The following ZC3H12C variants were observed in gnomAD, a reference collection of about 807,000 sequenced individuals.
The protein encoded by ZC3H12C is zinc finger CCCH-type containing 12C.
A neutral mutation model predicts 76.3 loss-of-function variants in ZC3H12C; 20 were observed. The observed-to-expected ratio is 0.26, with a 90% CI of 0.18 to 0.38. The LOEUF (loss-of-function observed/expected upper bound fraction) is 0.38. ZC3H12C is among the 10% of genes least tolerant of loss of function. ZC3H12C has a pLI of 1.00. For synonymous variants in ZC3H12C, 352 were observed against 399.6 expected (o/e 0.88, Z 1.42); for missense variants, 874 against 1,086.5 (o/e 0.80, Z 2.75).
At chr11:110,135,182 G>C (rs1861934104) in intron 1 of ZC3H12C, among the ~76,000 whole-genome samples, 1 of 152,030 alleles carries the variant, frequency 6.6e-6, no homozygotes, top group East Asian at 1.9e-4. Context: ...TAGAATACCA[G>C]AATTGCCTTA....
chr11:110,162,561 C>A lies in ZC3H12C; in HGVS notation c.1149-712C>A, dbSNP rs78682105. On this transcript the variant is annotated intron_variant, in intron 4 of 5. Coordinates refer to ENST00000278590, the MANE Select transcript of ZC3H12C (RefSeq NM_033390.2). ...TTCATTATTCATGCCATAAATTCTT[C>A]TCTTCTTTATTAGTCCATCCAAAAT... is the stretch of plus-strand genomic sequence containing the variant. Among the ~76,000 whole-genome samples the A allele has an allele frequency of 9.8e-3, 1,492 of 152,264 alleles. 31 individuals carry two copies. Among genetic ancestry groups the A allele is most frequent in the African/African-American group, 0.033 (1,373 of 41,542 alleles).
intron 1 of ZC3H12C, among the ~76,000 whole-genome samples, chr11:110,104,782 G>C (rs1861289119): frequency 6.6e-6 from 1 of 152,184 alleles, no homozygotes; most frequent in Admixed American, 6.5e-5. Flanking sequence ...GTATAAAAGT[G>C]CTTGACACAT....
At chr11:110,153,199 GTT>G in intron 3 of ZC3H12C, 141 bp downstream of exon 3, 1 of 1,122,086 alleles carries the variant, frequency 8.9e-7, no homozygotes, top group Non-Finnish European at 1.2e-6. Flanking sequence ...TGTTGTTGTT[GTT>G]TTCTGAGATA....
At chr11:110,163,700 A>G (rs1053423643) in intron 5 of ZC3H12C, among the ~76,000 whole-genome samples, 3 of 152,166 alleles carry the variant, frequency 2.0e-5, no homozygotes, top group Non-Finnish European at 2.9e-5. Flanking sequence ...ATCGCCCTAC[A>G]GTAGTATACT....
chr11:110,130,832 G>A (rs1319379292), intron 1 of ZC3H12C, among the ~76,000 whole-genome samples: 2 of 152,198 alleles, frequency 1.3e-5, no homozygotes. Context: ...CAGACCCTGC[G>A]AATGACATCA....
chr11:110,146,778 G>T (rs149406197), intron 2 of ZC3H12C, among the ~76,000 whole-genome samples: 2,394 of 151,928 alleles, frequency 0.016, 58 homozygotes, highest in African/African-American at 0.053. Context: ...GATTGCTATT[G>T]CCAATACCTG....
intron 2 of ZC3H12C, among the ~76,000 whole-genome samples, chr11:110,138,126 TA>T (rs1862004127): frequency 6.6e-6 from 1 of 151,978 alleles, no homozygotes; most frequent in Admixed American, 6.6e-5. Flanking sequence ...AATAAAATTT[TA>T]AAAGAAATTT....
chr11:110,112,207 A>G (rs761039643), intron 1 of ZC3H12C, among the ~76,000 whole-genome samples: 1 of 152,144 alleles, frequency 6.6e-6, no homozygotes, highest in Non-Finnish European at 1.5e-5. Flanking sequence ...GAACATATAC[A>G]TATATTTTTG....
chr11:110,141,341 G>T (rs1862064518), intron 2 of ZC3H12C, among the ~76,000 whole-genome samples: 1 of 152,176 alleles, frequency 6.6e-6, no homozygotes, highest in Non-Finnish European at 1.5e-5. Context: ...GCAGAGTTTA[G>T]CAATCTGTAC....
intron 5 of ZC3H12C, 85 bp downstream of exon 5, chr11:110,163,464 A>T (rs1862518444): frequency 9.0e-7 from 1 of 1,108,300 alleles, no homozygotes; most frequent in Non-Finnish European, 1.3e-6. Context: ...AACACTTAAA[A>T]TTTTGGATGG....
chr11:110,099,391 G>A (rs898591673), intron 1 of ZC3H12C, among the ~76,000 whole-genome samples: 1 of 152,018 alleles, frequency 6.6e-6, no homozygotes, highest in African/African-American at 2.4e-5. Context: ...AACTTTGAAA[G>A]TGCTTGATTT....
At chr11:110,102,660 GT>G (rs1262031224) in intron 1 of ZC3H12C, among the ~76,000 whole-genome samples, 9 of 152,194 alleles carry the variant, frequency 5.9e-5, no homozygotes, top group Admixed American at 3.9e-4. Context: ...CTTGTAAGAA[GT>G]TCTGTGGGTA....
intron 2 of ZC3H12C, among the ~76,000 whole-genome samples, chr11:110,141,937 A>G (rs561339458): frequency 1.3e-5 from 2 of 152,202 alleles, no homozygotes; most frequent in Non-Finnish European, 2.9e-5. Flanking sequence ...TGTGACTCAC[A>G]TTATATTTCT....
intron 1 of ZC3H12C, among the ~76,000 whole-genome samples, chr11:110,104,045 T>C (rs980638506): frequency 6.6e-6 from 1 of 150,572 alleles, no homozygotes; most frequent in African/African-American, 2.4e-5. Context: ...AATTCAGTCA[T>C]ATCTTTAGGC....
chr11:110,117,743 TATATA>T (rs1296488206), intron 1 of ZC3H12C, among the ~76,000 whole-genome samples: 1 of 99,536 alleles, frequency 1.0e-5, no homozygotes, highest in Non-Finnish European at 2.0e-5. Context: ...TACACACACA[TATATA>T]TATTATATAT....
chr11:110,158,765 C>T (rs1046630926), intron 3 of ZC3H12C, among the ~76,000 whole-genome samples: 3 of 152,142 alleles, frequency 2.0e-5, no homozygotes, highest in African/African-American at 7.2e-5. Context: ...CTCTTTGCTA[C>T]CTGGACAACT....
chr11:110,105,861 C>T (rs1333503604), intron 1 of ZC3H12C, among the ~76,000 whole-genome samples: 1 of 152,108 alleles, frequency 6.6e-6, no homozygotes, highest in African/African-American at 2.4e-5. Context: ...ATTAAAATGT[C>T]ACCAGTTTTT....
At chr11:110,148,384 T>C (rs1862208674) in intron 2 of ZC3H12C, among the ~76,000 whole-genome samples, 1 of 152,350 alleles carries the variant, frequency 6.6e-6, no homozygotes, top group South Asian at 2.1e-4. Context: ...TCTAGGCATC[T>C]CGTATTTTTC....
At position 110,164,098 on chromosome 11, in the gene ZC3H12C, C is replaced by CAA. The variant is rs35959407; in HGVS notation, c.1256-229_1256-228dup. Among the ~76,000 whole-genome samples, 1 of 142,910 alleles carries CAA rather than the reference C, an allele frequency of 7.0e-6. No individual in the cohort carries two copies. Among genetic ancestry groups the CAA allele is most frequent in the Non-Finnish European group, 1.5e-5 (1 of 65,494 alleles). 93.8% of individuals were successfully genotyped at this position (142,910 alleles called of 152,430 possible). ...TGGGTGACAGAGCAAGACCCTGTCT[C>CAA]AAAAAAAAAAAAAAAGTTCTGGAGG... On this transcript the variant is annotated intron_variant, in intron 5 of 5. Coordinates refer to ENST00000278590, the MANE Select transcript of ZC3H12C (RefSeq NM_033390.2). This position sits in a 1 kb window ranked among gnomAD's most constrained non-coding sequence, Gnocchi z 5.7.
Sources: gnomAD v4.1 joint callset for allele counts (sites outside exome capture counted in the v4.1 genomes callset) on GRCh38, gnomAD v4.1.1 for gene constraint, Gnocchi (gnomAD v3.1) non-coding constraint, MANE v1.5 for transcripts, NCBI Gene and HGNC (gene_info 2026-07-23, HGNC 2026-07-21) for gene names.